RASA1: variants seen among roughly 807,000 people sequenced by gnomAD.
The protein encoded by RASA1 is RAS p21 protein activator 1.
In RASA1, 25 loss-of-function variants were observed where a neutral mutation model predicts 132.2. The ratio of observed to expected loss-of-function variants is 0.19; its 90% CI spans 0.14 to 0.26. The LOEUF is 0.26. Among genes scored for constraint, RASA1 ranks in the 10% least tolerant of loss-of-function variants. The probability of loss-of-function intolerance (pLI) is 1.00; values close to 1 mark genes in which losing one functional copy is unlikely to be tolerated. For synonymous variants in RASA1, 477 were observed against 449.9 expected (o/e 1.06, Z -0.76); for missense variants, 964 against 1,299.2 (o/e 0.74, Z 3.97).
chr5:87,297,631 G>A (rs927879815), intron 1 of RASA1, among the ~76,000 whole-genome samples: 7 of 152,184 alleles, frequency 4.6e-5, no homozygotes, highest in African/African-American at 1.7e-4. Flanking sequence ...TTAGGCTCTG[G>A]TAAATTAGTT....
At chr5:87,306,287 A>G (rs760690458) in intron 1 of RASA1, among the ~76,000 whole-genome samples, 32 of 152,250 alleles carry the variant, frequency 2.1e-4, no homozygotes, top group Non-Finnish European at 3.1e-4. Context: ...CTATGCAGCC[A>G]TTAAAAAGAA....
At chr5:87,341,614 ATTATTCATAGTATTTCTTGG>A (rs1460535630) in intron 6 of RASA1, among the ~76,000 whole-genome samples, 1 of 152,142 alleles carries the variant, frequency 6.6e-6, no homozygotes, top group African/African-American at 2.4e-5. Flanking sequence ...ACATTTTAAA[ATTATTCATAGTATTTCTTGG>A]TTATTCATAG....
At chr5:87,386,794 G>C (rs1432660523) in intron 22 of RASA1, 32 bp from the exon 23 acceptor site, 1 of 1,580,148 alleles carries the variant, frequency 6.3e-7, no homozygotes, top group African/African-American at 1.4e-5. Context: ...GTTTGTTTCT[G>C]GTGCATATAA....
chr5:87,289,053 A>G (rs1249283156), intron 1 of RASA1, among the ~76,000 whole-genome samples: 2 of 152,144 alleles, frequency 1.3e-5, no homozygotes, highest in Non-Finnish European at 2.9e-5. Flanking sequence ...AATGAACTGC[A>G]TTTAATTGTT....
chr5:87,298,784 A>G (rs1181767170), intron 1 of RASA1, among the ~76,000 whole-genome samples: 1 of 152,222 alleles, frequency 6.6e-6, no homozygotes, highest in Non-Finnish European at 1.5e-5. Context: ...GAATTGAGAT[A>G]GACATTGTAT....
intron 1 of RASA1, among the ~76,000 whole-genome samples, chr5:87,280,076 G>T (rs752998913): frequency 6.6e-6 from 1 of 152,206 alleles, no homozygotes; most frequent in Non-Finnish European, 1.5e-5. Context: ...AACTCAGCAC[G>T]CTGGCTCTGT....
chr5:87,384,880 T>G (rs546681880), intron 21 of RASA1, among the ~76,000 whole-genome samples: 1 of 152,226 alleles, frequency 6.6e-6, no homozygotes, highest in Non-Finnish European at 1.5e-5. Context: ...TTATTTGGAC[T>G]GCAAATAATG....
chr5:87,335,427 T>G (rs918885846), intron 4 of RASA1, among the ~76,000 whole-genome samples: 11 of 142,598 alleles, frequency 7.7e-5, no homozygotes, highest in South Asian at 2.4e-4. Context: ...AGGTTTTTTT[T>G]TTTTTTTTTT....
rs188632012 is a variant in RASA1, at chr5:87,369,408, A to G, written c.1611-405A>G. Among the ~76,000 whole-genome samples, 598 of 152,280 alleles carry G rather than the reference A, an allele frequency of 3.9e-3. 3 individuals carry two copies. Among genetic ancestry groups the G allele is most frequent in the Admixed American group, 6.2e-3 (95 of 15,294 alleles). On this transcript the variant is annotated intron_variant, in intron 11 of 24. Transcript: ENST00000274376. Reference sequence around the variant, plus strand: ...GTTTAGAAAAATTTGAAAATACAGAATCACCTACAATCTCCTTAGAGATAA... The same window carrying G: ...GTTTAGAAAAATTTGAAAATACAGAGTCACCTACAATCTCCTTAGAGATAA...
chr5:87,321,661 A>G (rs928118897), intron 1 of RASA1, among the ~76,000 whole-genome samples: 2 of 152,262 alleles, frequency 1.3e-5, no homozygotes, highest in African/African-American at 4.8e-5. Flanking sequence ...AGGGTCCCAA[A>G]TGTAGGAGCC....
chr5:87,332,756 T>G (rs1438998024), intron 3 of RASA1, 114 bp downstream of exon 3: 3 of 1,092,160 alleles, frequency 2.7e-6, no homozygotes, highest in Non-Finnish European at 3.9e-6. Context: ...TTTGTTGTAT[T>G]AAATTTTAAT....
At chr5:87,382,028 T>C (rs1454370027) in intron 20 of RASA1, among the ~76,000 whole-genome samples, 1 of 152,172 alleles carries the variant, frequency 6.6e-6, no homozygotes, top group Admixed American at 6.5e-5. Flanking sequence ...TTCGGCTTAC[T>C]GCAACCCCCG....
Position 87,372,107 on chromosome 5 carries a change from T to C in RASA1, c.1699-11T>C, listed in dbSNP as rs778350337. On this transcript the variant is annotated splice_polypyrimidine_tract_variant and intron_variant, in intron 12 of 24. Transcript: ENST00000274376. The stretch of plus-strand genomic sequence containing the variant: ...GTGTATATTTCTTTGAAGTGCTGTT[T>C]TTCTTTGCAGGATTGGATGAAAGGT... 6.2e-7 allele frequency: 1 copy of C among 1,612,354 alleles called. No homozygotes were observed. Among genetic ancestry groups the C allele is most frequent in the Non-Finnish European group, 8.5e-7 (1 of 1,179,308 alleles).
At chr5:87,285,261 G>A (rs950192383) in intron 1 of RASA1, among the ~76,000 whole-genome samples, 4 of 151,672 alleles carry the variant, frequency 2.6e-5, no homozygotes, top group Admixed American at 6.6e-5. Context: ...TAGAGATGGG[G>A]TTTCACTATG....
intron 12 of RASA1, among the ~76,000 whole-genome samples, chr5:87,370,477 A>T (rs1760849131): frequency 6.6e-6 from 1 of 152,198 alleles, no homozygotes; most frequent in Non-Finnish European, 1.5e-5. Flanking sequence ...ATTTTGCAAC[A>T]AAGGGAGAAC....
intron 1 of RASA1, among the ~76,000 whole-genome samples, chr5:87,287,489 TATATATACACCATATATATACCCACC>T (rs1754678566): frequency 7.3e-6 from 1 of 137,758 alleles, no homozygotes; most frequent in Non-Finnish European, 1.5e-5. Flanking sequence ...ATACACACCA[TATATATACACCATATATATACCCACC>T]ATATATATAC....
chr5:87,334,375 A>T (rs150501260), intron 4 of RASA1, among the ~76,000 whole-genome samples: 4 of 152,278 alleles, frequency 2.6e-5, no homozygotes, highest in African/African-American at 4.8e-5. Context: ...GAATTGGATG[A>T]TGCCCACTCA....
intron 10 of RASA1, among the ~76,000 whole-genome samples, chr5:87,363,118 A>G (rs1760240872): frequency 6.6e-6 from 1 of 152,018 alleles, no homozygotes; most frequent in African/African-American, 2.4e-5. Context: ...CTCTGAAGAT[A>G]TAGTTAAGGT....
In RASA1 at chr5:87,385,396, A is replaced by G; in HGVS notation, c.2847+7A>G. On this transcript the variant is annotated splice_region_variant and intron_variant, in intron 22 of 24. Transcript: ENST00000274376. The stretch of plus-strand genomic sequence containing the variant: ...TGTGGAATTTGGAGCTAAGGTAAAA[A>G]CATTTTGATACTTTAAAATGTAATT... The G allele has an allele frequency of 3.2e-6, 5 of 1,563,686 alleles. No individual in the cohort carries two copies. Among genetic ancestry groups the G allele is most frequent in the Non-Finnish European group, 4.4e-6 (5 of 1,135,316 alleles).
Sources: allele counts gnomAD v4.1 joint callset (sites outside exome capture counted in the v4.1 genomes callset), GRCh38; gene constraint gnomAD v4.1.1; transcripts MANE v1.5; gene names NCBI Gene and HGNC (gene_info 2026-07-23, HGNC 2026-07-21).